The following NTN1 variants were observed in gnomAD, a reference collection of about 807,000 sequenced individuals.
NTN1 encodes the protein netrin 1, also known as netrin-1.
A neutral mutation model predicts 54.2 loss-of-function variants in NTN1; 11 were observed. That is an observed-to-expected ratio of 0.20 (90% CI 0.13 to 0.34). The LOEUF is 0.34. Among genes scored for constraint, NTN1 ranks in the 10% least tolerant of loss-of-function variants. The probability of loss-of-function intolerance (pLI) is 1.00; values close to 1 mark genes in which losing one functional copy is unlikely to be tolerated. For synonymous variants in NTN1, 371 were observed against 382.0 expected, an observed-to-expected ratio of 0.97 and a Z score of 0.33; for missense variants, 740 against 893.1, an observed-to-expected ratio of 0.83 and a Z score of 2.18.
At chr17:9,147,949 T>C (rs2142286145) in intron 2 of NTN1, among the ~76,000 whole-genome samples, 1 of 152,314 alleles carries the variant, frequency 6.6e-6, no homozygotes, top group Middle Eastern at 3.4e-3. Context: ...TTTGTTTGGG[T>C]ACAGATTTGG....
chr17:9,079,076 A>G (rs973502959), intron 2 of NTN1, among the ~76,000 whole-genome samples: 3 of 152,130 alleles, frequency 2.0e-5, no homozygotes, highest in Non-Finnish European at 4.4e-5. Context: ...GAGAAGACCC[A>G]TGGGCAGGAA....
intron 2 of NTN1, among the ~76,000 whole-genome samples, chr17:9,147,990 C>G (rs1235797172): frequency 1.3e-5 from 2 of 152,180 alleles, no homozygotes; most frequent in Non-Finnish European, 2.9e-5. Context: ...CCTTCCTCCC[C>G]CTTGTGTCTC....
rs561028066 is a variant in NTN1 at position 9,160,293 on chromosome 17, C to T, written c.1019-2520C>T. ...TAATTTTTGTATTTTTTAGTAGAGACGGGGTTTCACCATATTGGCCAGGCT... is the reference window on the plus strand; with the variant it reads ...TAATTTTTGTATTTTTTAGTAGAGATGGGGTTTCACCATATTGGCCAGGCT... On this transcript the variant is annotated intron_variant, in intron 2 of 6. Transcript: ENST00000173229. Among the ~76,000 whole-genome samples, 150 of 152,064 alleles carry T rather than the reference C, an allele frequency of 9.9e-4. 1 individual carries two copies. The highest frequency in any genetic ancestry group is 3.4e-3 in the African/African-American group (140 of 41,488).
In NTN1 at chr17:9,215,020, A is replaced by C. The variant is rs142626537; in HGVS notation, c.1412-6148A>C. Among the ~76,000 whole-genome samples, 11 of 151,946 alleles carry C rather than the reference A, an allele frequency of 7.2e-5. No homozygotes were observed. In the East Asian group the frequency reaches 2.1e-3, roughly 29 times the overall value. The stretch of plus-strand genomic sequence containing the variant: ...TTTATCTTTTGGCATATTACCTATA[A>C]TTTATATCGTTTTTCTCCAGAGTTC... On this transcript the variant is annotated intron_variant, in intron 5 of 6. Coordinates refer to ENST00000173229, the MANE Select transcript of NTN1 (RefSeq NM_004822.3).
chr17:9,085,179 G>A (rs1456111334), intron 2 of NTN1, among the ~76,000 whole-genome samples: 2 of 152,134 alleles, frequency 1.3e-5, no homozygotes, highest in Non-Finnish European at 2.9e-5. Flanking sequence ...CTGGGTGGTG[G>A]GGATGCGTGG....
chr17:9,170,866 ACACACACACACACACACT>A (rs1461312206), intron 3 of NTN1, among the ~76,000 whole-genome samples: 1 of 67,598 alleles, frequency 1.5e-5, no homozygotes, highest in South Asian at 6.0e-4. Context: ...CTTGTGACAC[ACACACACACACACACACT>A]CACACACACA....
chr17:9,114,166 A>ATGT (rs59456522), intron 2 of NTN1, among the ~76,000 whole-genome samples: 2 of 74,658 alleles, frequency 2.7e-5, no homozygotes, highest in African/African-American at 1.2e-4. Context: ...AAAAAAAAAA[A>ATGT]ATATATATAT....
chr17:9,081,515 C>A (rs2092071015), intron 2 of NTN1, among the ~76,000 whole-genome samples: 2 of 152,202 alleles, frequency 1.3e-5, no homozygotes, highest in South Asian at 4.1e-4. Context: ...TCATACCCAC[C>A]CAGATAGTCT....
intron 3 of NTN1, among the ~76,000 whole-genome samples, chr17:9,167,143 C>T (rs980009358): frequency 6.6e-6 from 1 of 152,278 alleles, no homozygotes; most frequent in South Asian, 2.1e-4. Flanking sequence ...AGCACTGGGA[C>T]GGCCTCGTTA....
intron 5 of NTN1, among the ~76,000 whole-genome samples, chr17:9,187,604 G>C (rs2092437153): frequency 7.0e-6 from 1 of 143,696 alleles, no homozygotes; most frequent in South Asian, 2.3e-4. Context: ...TTGAGCCCAG[G>C]AGTTTGAGTT....
At chr17:9,019,725 C>T (rs942086589), upstream of NTN1, among the ~76,000 whole-genome samples, 2 of 152,220 alleles carry the variant, frequency 1.3e-5, no homozygotes, top group African/African-American at 4.8e-5. Flanking sequence ...ACCCTGGCTC[C>T]GAAGCGTTTC....
At chr17:9,051,422 G>A (rs1261099781) in intron 2 of NTN1, among the ~76,000 whole-genome samples, 1 of 152,272 alleles carries the variant, frequency 6.6e-6, no homozygotes, top group East Asian at 1.9e-4. Flanking sequence ...CTCCCAGAGC[G>A]GGGACTGTGC....
intron 6 of NTN1, among the ~76,000 whole-genome samples, chr17:9,235,566 A>C (rs1431978221): frequency 2.0e-5 from 3 of 152,160 alleles, no homozygotes; most frequent in African/African-American, 7.2e-5. Context: ...ATTGATAAAC[A>C]ACAGAAACTT....
At chr17:9,112,521 T>C (rs1008231264) in intron 2 of NTN1, among the ~76,000 whole-genome samples, 5 of 152,178 alleles carry the variant, frequency 3.3e-5, no homozygotes. Context: ...TTGATGCTTC[T>C]TTTTTGGTGA....
At chr17:9,114,145 AAAAAAAAG>A (rs200838433) in intron 2 of NTN1, among the ~76,000 whole-genome samples, 10 of 85,956 alleles carry the variant, frequency 1.2e-4, no homozygotes, top group South Asian at 1.0e-3. Context: ...CTGGGTGCCA[AAAAAAAAG>A]AAAAAAAAAA....
At chr17:9,033,035 CCT>C (rs2091892664) in intron 2 of NTN1, among the ~76,000 whole-genome samples, 2 of 149,858 alleles carry the variant, frequency 1.3e-5, no homozygotes. Flanking sequence ...CTCACTGCAA[CCT>C]CTGTTTCCTG....
At position 9,212,015 on chromosome 17, in the gene NTN1, G is replaced by A. The variant is rs1905118408; in HGVS notation, c.1412-9153G>A. The stretch of plus-strand genomic sequence containing the variant: ...CTTGGCCAGTCCATTGCTAGAAGAT[G>A]CTTCATTTGGGGCATCGTTAGCCTT... On this transcript the variant is annotated intron_variant, in intron 5 of 6. Coordinates refer to ENST00000173229, the MANE Select transcript of NTN1 (RefSeq NM_004822.3). This position sits in a 1 kb window ranked among gnomAD's most constrained non-coding sequence, Gnocchi z 5.5. Among the ~76,000 whole-genome samples the A allele has an allele frequency of 1.3e-5, 2 of 152,346 alleles. No individual in the cohort carries two copies. The highest frequency in any genetic ancestry group is 4.1e-4 in the South Asian group (2 of 4,834).
intron 2 of NTN1, among the ~76,000 whole-genome samples, chr17:9,033,774 G>A (rs1316506777): frequency 3.9e-5 from 6 of 151,958 alleles, no homozygotes; most frequent in Non-Finnish European, 8.8e-5. Context: ...AAAATTAGCC[G>A]GGCGTGGTGG....
upstream of NTN1, among the ~76,000 whole-genome samples, chr17:9,020,803 C>T (rs2091843547): frequency 6.6e-6 from 1 of 152,234 alleles, no homozygotes. Flanking sequence ...GTGCTGCCAG[C>T]TTCCTACCCC....
Sources: allele counts gnomAD v4.1 joint callset (sites outside exome capture counted in the v4.1 genomes callset), GRCh38; gene constraint gnomAD v4.1.1; non-coding constraint Gnocchi (gnomAD v3.1); transcripts MANE v1.5; gene names NCBI Gene and HGNC (gene_info 2026-07-23, HGNC 2026-07-21).